STXBP5: variants seen among roughly 807,000 people sequenced by gnomAD.
STXBP5 encodes the protein syntaxin binding protein 5, also known as syntaxin-binding protein 5.
Under a neutral mutation model 152.4 loss-of-function variants are expected in STXBP5, and 50 were observed. The ratio of observed to expected loss-of-function variants is 0.33; its 90% CI spans 0.26 to 0.42. The LOEUF is 0.42. Among genes scored for constraint, STXBP5 ranks in the 10% least tolerant of loss-of-function variants. The pLI is 1.00. For missense variants in STXBP5, 1,167 were observed against 1,388.6 expected, an observed-to-expected ratio of 0.84 and a Z score of 2.54; for synonymous variants, 492 against 494.7, an observed-to-expected ratio of 0.99 and a Z score of 0.07.
chr6:147,208,077 A>G (rs1218677550), intron 2 of STXBP5, among the ~76,000 whole-genome samples: 2 of 152,292 alleles, frequency 1.3e-5, no homozygotes, highest in East Asian at 1.9e-4. Flanking sequence ...TGTACTTTCT[A>G]TAGTTAAATA....
intron 4 of STXBP5, among the ~76,000 whole-genome samples, chr6:147,256,821 A>G (rs1779392258): frequency 6.6e-6 from 1 of 152,154 alleles, no homozygotes; most frequent in South Asian, 2.1e-4. Flanking sequence ...CATTAGGTGT[A>G]AGATATTATG....
Position 147,387,183 on chromosome 6 carries a change from GAT to G in STXBP5, c.*2430_*2431del, listed in dbSNP as rs2128425762. On this transcript the variant is annotated 3_prime_UTR_variant, in exon 28 of 28. Transcript: ENST00000321680. The stretch of plus-strand genomic sequence containing the variant: ...AGAGTTATACTTGATTCTGTCTGTA[GAT>G]AAGAGACAGTCTACAGTAATAACTA... 1 of 151,616 alleles carries G rather than the reference GAT, an allele frequency of 6.6e-6. No individual in the cohort carries two copies. The highest frequency in any genetic ancestry group is 2.4e-5 in the African/African-American group (1 of 41,460). 9.4% of individuals were successfully genotyped at this position (151,616 alleles called of 1,614,324 possible).
intron 11 of STXBP5, among the ~76,000 whole-genome samples, chr6:147,311,832 A>G (rs1037409983): frequency 1.3e-5 from 2 of 152,088 alleles, no homozygotes; most frequent in Non-Finnish European, 2.9e-5. Flanking sequence ...TCCCATCAGT[A>G]TTTACCTCCA....
At chr6:147,207,728 A>G (rs1342129834) in intron 2 of STXBP5, among the ~76,000 whole-genome samples, 2 of 152,182 alleles carry the variant, frequency 1.3e-5, no homozygotes, top group African/African-American at 4.8e-5. Flanking sequence ...AGGAAAGTAA[A>G]GTTGAATTAA....
rs761190734 is a variant in STXBP5, at chr6:147,364,174, A to T, written c.3081+8A>T. On this transcript the variant is annotated splice_region_variant and intron_variant, in intron 25 of 27. Transcript: ENST00000321680. ...ACCTGTGAAAATCTTCAGGTAATTA[A>T]TAAAAATATTACTGTAATTTCTTCA... is the stretch of plus-strand genomic sequence containing the variant. The T allele has an allele frequency of 2.1e-5, 33 of 1,608,780 alleles. No individual in the cohort carries two copies. In the Admixed American group the frequency reaches 5.5e-4, roughly 27 times the overall value.
intron 26 of STXBP5, among the ~76,000 whole-genome samples, chr6:147,374,086 T>G (rs539255897): frequency 5.3e-5 from 8 of 152,334 alleles, no homozygotes; most frequent in African/African-American, 1.9e-4. Context: ...ATTCACAACT[T>G]TAAGTAAATA....
At chr6:147,271,883 G>A (rs902099549) in intron 7 of STXBP5, among the ~76,000 whole-genome samples, 2 of 151,974 alleles carry the variant, frequency 1.3e-5, no homozygotes, top group African/African-American at 2.4e-5. Context: ...TAGTCAGAGT[G>A]GTGAGGAAAA....
intron 8 of STXBP5, among the ~76,000 whole-genome samples, chr6:147,287,259 G>A (rs1403848423): frequency 6.5e-5 from 8 of 123,790 alleles, no homozygotes; most frequent in African/African-American, 2.5e-4. Flanking sequence ...CTGGAGTGCA[G>A]TGGCGGGATC....
intron 26 of STXBP5, among the ~76,000 whole-genome samples, chr6:147,375,620 T>C (rs1562276899): frequency 1.3e-5 from 2 of 150,766 alleles, no homozygotes; most frequent in African/African-American, 2.4e-5. Flanking sequence ...AGAATACTTA[T>C]ATATAAATAT....
chr6:147,285,421 A>G (rs1780912404), intron 8 of STXBP5, among the ~76,000 whole-genome samples: 1 of 152,124 alleles, frequency 6.6e-6, no homozygotes, highest in African/African-American at 2.4e-5. Context: ...GACCATAAGC[A>G]GTAATCAGAG....
intron 5 of STXBP5, among the ~76,000 whole-genome samples, chr6:147,260,995 T>C (rs557113613): frequency 6.6e-6 from 1 of 152,228 alleles, no homozygotes; most frequent in East Asian, 1.9e-4. Flanking sequence ...TTGTGTACAC[T>C]GTAACACTAG....
chr6:147,360,771 A>G (rs1785030823), intron 23 of STXBP5, among the ~76,000 whole-genome samples: 1 of 152,114 alleles, frequency 6.6e-6, no homozygotes, highest in African/African-American at 2.4e-5. Context: ...GATTTTGTCA[A>G]ATGTTTGTGG....
At chr6:147,290,208 C>CA (rs1002375757) in intron 8 of STXBP5, among the ~76,000 whole-genome samples, 14 of 149,738 alleles carry the variant, frequency 9.3e-5, no homozygotes, top group African/African-American at 2.0e-4. Context: ...GACCTTGTCT[C>CA]AAAAAAAAGA....
intron 5 of STXBP5, 83 bp from the exon 6 acceptor site, chr6:147,262,207 A>T: frequency 1.3e-6 from 1 of 794,426 alleles, no homozygotes; most frequent in Non-Finnish European, 2.0e-6. Context: ...CTTATTTTCT[A>T]TTTATTTTTA....
intron 4 of STXBP5, among the ~76,000 whole-genome samples, chr6:147,243,968 TTGTC>T (rs946571738): frequency 1.3e-5 from 2 of 152,160 alleles, no homozygotes; most frequent in Admixed American, 6.5e-5. Flanking sequence ...ATTAATCTAT[TTGTC>T]TGTTATTTTT....
chr6:147,357,980 GGTAGCTGAA>G (rs1784888470), intron 22 of STXBP5, among the ~76,000 whole-genome samples: 1 of 152,090 alleles, frequency 6.6e-6, no homozygotes, highest in African/African-American at 2.4e-5. Flanking sequence ...AACAAGGGAA[GGTAGCTGAA>G]GATGAGAGAC....
chr6:147,311,067 T>C (rs1050930124), intron 10 of STXBP5, among the ~76,000 whole-genome samples: 3 of 152,278 alleles, frequency 2.0e-5, no homozygotes, highest in Non-Finnish European at 4.4e-5. Context: ...TATTTTACAG[T>C]TATTGACAGG....
intron 21 of STXBP5, among the ~76,000 whole-genome samples, chr6:147,343,873 T>C (rs1784199817): frequency 6.6e-6 from 1 of 152,204 alleles, no homozygotes; most frequent in Non-Finnish European, 1.5e-5. Flanking sequence ...TTGTAGAATT[T>C]AGCTTTTATA....
chr6:147,363,598 C>T lies in STXBP5; in HGVS notation c.2809C>T (p.Gln937Ter). 6.2e-7 allele frequency: 1 copy of T among 1,614,062 alleles called. No homozygotes were observed. Among genetic ancestry groups the T allele is most frequent in the Non-Finnish European group, 8.5e-7 (1 of 1,180,006 alleles). ...GCCAACCCAGAACTGTGCTTATAAG[C>T]AAAATATTACAGAGACCTCGTTTGT... ...SLPTQNCAYKQNITETSFVLR... is the reference protein window; with the variant it reads ...SLPTQNCAYK The change falls in exon 24 of 28, where the codon CAA becomes TAA. Residue 937 changes from glutamine to a stop codon, truncating the protein, a stop_gained. Transcript: ENST00000321680. LOFTEE classifies it high-confidence loss of function.
Sources: allele counts gnomAD v4.1 joint callset (sites outside exome capture counted in the v4.1 genomes callset), GRCh38; gene constraint gnomAD v4.1.1; transcripts MANE v1.5; gene names NCBI Gene and HGNC (gene_info 2026-07-23, HGNC 2026-07-21).